Variants in ST18 observed in about 807,000 individuals in gnomAD.
The protein encoded by ST18 is ST18 C2H2C-type zinc finger transcription factor.
Under a neutral mutation model 110.0 loss-of-function variants are expected in ST18, and 50 were observed. The observed-to-expected ratio is 0.45, with a 90% CI of 0.36 to 0.58. ST18 has a LOEUF of 0.58. Ranked by LOEUF, ST18 falls within the 20% of genes least tolerant of loss-of-function variation. ST18 has a pLI of 0.00. For synonymous variants in ST18, 461 were observed against 452.4 expected (o/e 1.02, Z -0.24); for missense variants, 1,306 against 1,280.1 (o/e 1.02, Z -0.31).
chr8:52,227,078 T>G (rs2089720763), intron 3 of ST18, among the ~76,000 whole-genome samples: 1 of 152,190 alleles, frequency 6.6e-6, no homozygotes, highest in Admixed American at 6.5e-5. Context: ...ATATTGAAAC[T>G]TGAAAAGCAA....
chr8:52,197,728 C>A (rs773890822), intron 8 of ST18, among the ~76,000 whole-genome samples: 2 of 151,240 alleles, frequency 1.3e-5, no homozygotes, highest in East Asian at 1.9e-4. Flanking sequence ...GGCAGGGAGG[C>A]CAAAAAGAAG....
intron 2 of ST18, among the ~76,000 whole-genome samples, chr8:52,270,468 T>G (rs925802443): frequency 6.6e-6 from 1 of 152,172 alleles, no homozygotes; most frequent in Non-Finnish European, 1.5e-5. Flanking sequence ...CTTCGCAAAT[T>G]TTAAGTATAT....
At chr8:52,261,404 C>G (rs920704663) in intron 2 of ST18, among the ~76,000 whole-genome samples, 2 of 152,314 alleles carry the variant, frequency 1.3e-5, no homozygotes, top group African/African-American at 4.8e-5. Flanking sequence ...AGCTTTCAAT[C>G]CTATGGAAAT....
intron 3 of ST18, among the ~76,000 whole-genome samples, chr8:52,228,876 C>T (rs541688690): frequency 6.6e-6 from 1 of 152,188 alleles, no homozygotes; most frequent in Admixed American, 6.5e-5. Flanking sequence ...TTCCATTCCA[C>T]TCAGCAATGC....
intron 8 of ST18, among the ~76,000 whole-genome samples, chr8:52,191,955 C>T (rs150211215): frequency 6.6e-6 from 1 of 152,246 alleles, no homozygotes; most frequent in African/African-American, 2.4e-5. Flanking sequence ...TTTTGCATGA[C>T]AACAGGCACT....
chr8:52,185,598 T>G (rs375874303), intron 8 of ST18, among the ~76,000 whole-genome samples: 1 of 152,124 alleles, frequency 6.6e-6, no homozygotes, highest in South Asian at 2.1e-4. Context: ...TGGAACAGCA[T>G]AGATGTTCCA....
chr8:52,366,778 T>C (rs144192056), intron 2 of ST18, among the ~76,000 whole-genome samples: 169 of 152,346 alleles, frequency 1.1e-3, no homozygotes, highest in African/African-American at 3.9e-3. Context: ...TACTTATTTG[T>C]TAATTAGTTT....
chr8:52,343,271 G>T (rs1272142489), intron 2 of ST18, among the ~76,000 whole-genome samples: 1 of 152,140 alleles, frequency 6.6e-6, no homozygotes, highest in Admixed American at 6.5e-5. Flanking sequence ...AAAGCTTCAG[G>T]AGAGTTGGGT....
intron 14 of ST18, among the ~76,000 whole-genome samples, chr8:52,160,565 A>G (rs1043042768): frequency 4.6e-5 from 7 of 152,334 alleles, no homozygotes; most frequent in African/African-American, 1.4e-4. Context: ...GGAGAACTCA[A>G]TGTGCACATT....
chr8:52,258,639 A>G lies in ST18; in HGVS notation c.-464-28562T>C. On this transcript the variant is annotated intron_variant, in intron 2 of 25. Coordinates refer to ENST00000689386, the MANE Select transcript of ST18 (RefSeq NM_001352837.2). ...TAGTGGGTTCCTTGGGATTTTCTAA[A>G]TACAAATCTGTATGAAAGATCATGT... Among the ~76,000 whole-genome samples, 2 of 152,180 alleles carry G rather than the reference A, an allele frequency of 1.3e-5. 1 individual carries two copies. The highest frequency in any genetic ancestry group is 1.3e-4 in the Admixed American group (2 of 15,264).
chr8:52,357,107 A>G (rs1385516865), intron 2 of ST18, among the ~76,000 whole-genome samples: 1 of 152,124 alleles, frequency 6.6e-6, no homozygotes, highest in African/African-American at 2.4e-5. Context: ...TAGTAGGTGT[A>G]TATATTTATG....
At chr8:52,213,217 A>G (rs1265471520) in intron 7 of ST18, among the ~76,000 whole-genome samples, 1 of 152,236 alleles carries the variant, frequency 6.6e-6, no homozygotes, top group Non-Finnish European at 1.5e-5. Context: ...ACCATGGTTA[A>G]TGATAACCAT....
rs770324679 is a variant in ST18, at chr8:52,149,899, G to A, written c.1885C>T (p.Pro629Ser). 1.2e-6 allele frequency: 2 copies of A among 1,614,166 alleles called. No homozygotes were observed. Among genetic ancestry groups the A allele is most frequent in the South Asian group, 2.2e-5 (2 of 91,084 alleles). Residue 629 changes from proline to serine, a missense_variant, in exon 16 of 26, where the codon CCC becomes TCC. Coordinates refer to ENST00000689386, the MANE Select transcript of ST18 (RefSeq NM_001352837.2). Reference sequence around the variant, plus strand: ...ATAGAAGTGTTAGAGGAAGTTAGGGGTGCAGACTTGTCCAGGATTCGATTT... The same window carrying A: ...ATAGAAGTGTTAGAGGAAGTTAGGGATGCAGACTTGTCCAGGATTCGATTT... ...KKNRILDKSA[P>S]LTSSNTSIPT...
rs1258010013 is a variant in ST18, at chr8:52,111,077, A to C, written c.*2121T>G. The C allele has an allele frequency of 2.5e-6, 1 of 398,408 alleles. No homozygotes were observed. The highest frequency in any genetic ancestry group is 4.4e-5 in the Admixed American group (1 of 22,704). 24.7% of individuals were successfully genotyped at this position (398,408 alleles called of 1,614,324 possible). On this transcript the variant is annotated 3_prime_UTR_variant, in exon 26 of 26. Coordinates refer to ENST00000689386, the MANE Select transcript of ST18 (RefSeq NM_001352837.2). Reference sequence around the variant, plus strand: ...GTGCACATTACAAAACACATCAAGTACAAAGTAGGCAAATAAATACAAACA... The same window carrying C: ...GTGCACATTACAAAACACATCAAGTCCAAAGTAGGCAAATAAATACAAACA...
At chr8:52,284,002 A>T (rs2095429247) in intron 2 of ST18, among the ~76,000 whole-genome samples, 2 of 152,350 alleles carry the variant, frequency 1.3e-5, no homozygotes, top group South Asian at 2.1e-4. Context: ...AAATGGGATC[A>T]GTCAGCTTGG....
intron 19 of ST18, among the ~76,000 whole-genome samples, chr8:52,133,594 C>CT (rs574611649): frequency 4.7e-5 from 7 of 147,692 alleles, no homozygotes; most frequent in South Asian, 4.3e-4. Flanking sequence ...ATTGTACATT[C>CT]TTTTTTTTTT....
At chr8:52,140,018 C>T (rs1250665236) in intron 17 of ST18, among the ~76,000 whole-genome samples, 3 of 152,176 alleles carry the variant, frequency 2.0e-5, no homozygotes, top group African/African-American at 4.8e-5. Flanking sequence ...GTAAGTGGCA[C>T]TGAAACCGTA....
intron 14 of ST18, among the ~76,000 whole-genome samples, chr8:52,160,367 G>C (rs1474300041): frequency 1.3e-5 from 2 of 152,092 alleles, no homozygotes; most frequent in East Asian, 3.8e-4. Context: ...CTCCCTGATA[G>C]GCAAATTCCT....
At chr8:52,305,307 T>C (rs1007820552) in intron 2 of ST18, among the ~76,000 whole-genome samples, 2 of 152,222 alleles carry the variant, frequency 1.3e-5, no homozygotes, top group African/African-American at 4.8e-5. Context: ...TCTTCCCAAC[T>C]CAGTGGCCAT....
Sources: gnomAD v4.1 joint callset for allele counts (sites outside exome capture counted in the v4.1 genomes callset) on GRCh38, gnomAD v4.1.1 for gene constraint, MANE v1.5 for transcripts, NCBI Gene and HGNC (gene_info 2026-07-23, HGNC 2026-07-21) for gene names.